NALCN: variants seen among roughly 807,000 people sequenced by gnomAD.
The protein encoded by NALCN is sodium leak channel, non-selective, also known as sodium leak channel NALCN.
In NALCN, 111 loss-of-function variants were observed where a neutral mutation model predicts 225.3. That is an observed-to-expected ratio of 0.49 (90% CI 0.42 to 0.58). The LOEUF (loss-of-function observed/expected upper bound fraction) is 0.58, where lower values mean the gene tolerates loss of function less well. NALCN is among the 20% of genes least tolerant of loss of function. NALCN has a pLI of 0.00. For missense variants in NALCN, 1,378 were observed against 2,202.4 expected (o/e 0.63, Z 7.49); for synonymous variants, 764 against 769.0 (o/e 0.99, Z 0.11).
rs1218070594 is a variant in NALCN, at chr13:101,082,896, C to G, written c.3691-13G>C. 1.2e-6 allele frequency: 2 copies of G among 1,614,090 alleles called. No individual in the cohort carries two copies. Among genetic ancestry groups the G allele is most frequent in the Non-Finnish European group, 1.7e-6 (2 of 1,179,910 alleles). ...CCTCGACGTCCCACTGCAACAGAAA[C>G]AGCACACGAGTCGTTGCCCACGTCC... On this transcript the variant is annotated splice_polypyrimidine_tract_variant and intron_variant, in intron 32 of 43. Transcript: ENST00000251127.
chr13:101,357,611 A>C (rs2046102394), intron 6 of NALCN, among the ~76,000 whole-genome samples: 2 of 152,222 alleles, frequency 1.3e-5, no homozygotes, highest in African/African-American at 4.8e-5. Context: ...CATACTGCCC[A>C]AAATAAATTA....
chr13:101,229,720 T>A (rs1473279464), intron 12 of NALCN, 136 bp from the exon 13 acceptor site: 1 of 673,874 alleles, frequency 1.5e-6, no homozygotes, highest in Non-Finnish European at 2.2e-6. Context: ...ATCTAGTGAC[T>A]AAAATTAACA....
Position 101,266,996 on chromosome 13 carries a change from G to A in NALCN, c.1135-8422C>T, listed in dbSNP as rs915830202. On this transcript the variant is annotated intron_variant, in intron 10 of 43. Transcript: ENST00000251127. ...TTTCCCATCTGTCTGTTCCTGATGC[G>A]TCCTTAGAGAGTCAGGACAGAAGGG... 2.6e-5 allele frequency among the ~76,000 whole-genome samples: 4 copies of A among 152,232 alleles called. No homozygotes were observed. The East Asian group carries it at 5.8e-4, about 22-fold the overall frequency.
At chr13:101,266,301 T>C (rs948091717) in intron 10 of NALCN, among the ~76,000 whole-genome samples, 1 of 123,560 alleles carries the variant, frequency 8.1e-6, no homozygotes, top group Non-Finnish European at 1.9e-5. Context: ...TGGAAGAGAT[T>C]AGTAATCTTG....
At chr13:101,379,248 A>G in intron 3 of NALCN, among the ~76,000 whole-genome samples, 1 of 152,218 alleles carries the variant, frequency 6.6e-6, no homozygotes, top group Non-Finnish European at 1.5e-5. Flanking sequence ...AGAACTAGGA[A>G]CACTTTTACA....
intron 7 of NALCN, among the ~76,000 whole-genome samples, chr13:101,322,016 C>T (rs2044762565): frequency 6.6e-6 from 1 of 152,072 alleles, no homozygotes; most frequent in Admixed American, 6.5e-5. Flanking sequence ...TTTTACTTTA[C>T]AAGTCAAACA....
At chr13:101,135,049 G>T (rs2036707649) in intron 17 of NALCN, among the ~76,000 whole-genome samples, 1 of 152,140 alleles carries the variant, frequency 6.6e-6, no homozygotes, top group African/African-American at 2.4e-5. Flanking sequence ...AAAAAAATTA[G>T]CCGGGCGTGG....
At chr13:101,102,338 A>G (rs772705871) in intron 26 of NALCN, among the ~76,000 whole-genome samples, 87 of 152,128 alleles carry the variant, frequency 5.7e-4, no homozygotes, top group Non-Finnish European at 1.1e-3. Flanking sequence ...TAACATCACA[A>G]TCTATCTTTA....
At chr13:101,312,862 C>A (rs1471484786) in intron 7 of NALCN, among the ~76,000 whole-genome samples, 2 of 152,088 alleles carry the variant, frequency 1.3e-5, no homozygotes, top group Admixed American at 6.5e-5. Context: ...AAAAAAGAGC[C>A]CGCATCACCA....
Position 101,150,545 on chromosome 13 carries a change from G to GGT in NALCN, c.1840-5651_1840-5650dup, listed in dbSNP as rs199622724. On this transcript the variant is annotated intron_variant, in intron 15 of 43. Transcript: ENST00000251127. ...GAAAGAGTAAGATGGGAGTAGACAGGGTGTGTGTTGGTGGTGGGGGATGAG... is the reference window on the plus strand; with the variant it reads ...GAAAGAGTAAGATGGGAGTAGACAGGGTGTGTGTGTTGGTGGTGGGGGATGAG... 9.4e-3 allele frequency among the ~76,000 whole-genome samples: 1,427 copies of GGT among 152,198 alleles called. 16 individuals are homozygous for GGT. The highest frequency in any genetic ancestry group is 0.028 in the African/African-American group (1,154 of 41,508).
rs1364718232 is a variant in NALCN at position 101,089,770 on chromosome 13, A to G, written c.3391-9T>C. The G allele has an allele frequency of 1.9e-6, 3 of 1,613,926 alleles. No individual in the cohort carries two copies. Among genetic ancestry groups the G allele is most frequent in the Non-Finnish European group, 2.5e-6 (3 of 1,179,924 alleles). The stretch of plus-strand genomic sequence containing the variant: ...ATATAGATTCCATGGATCTGCATAA[A>G]GGAAAATATGGTTATTCATCAAAAC... On this transcript the variant is annotated splice_polypyrimidine_tract_variant and intron_variant, in intron 29 of 43. Coordinates refer to ENST00000251127, the MANE Select transcript of NALCN (RefSeq NM_052867.4). The surrounding 1 kb of genome is among the most constrained non-coding windows in gnomAD (Gnocchi z 4.7).
chr13:101,257,364 C>T (rs753687346), intron 11 of NALCN, among the ~76,000 whole-genome samples: 9 of 151,948 alleles, frequency 5.9e-5, no homozygotes, highest in Non-Finnish European at 1.0e-4. Context: ...AATTCAGAAG[C>T]GACTACTTAA....
chr13:101,087,225 T>C (rs536650288), intron 30 of NALCN, among the ~76,000 whole-genome samples: 2 of 152,298 alleles, frequency 1.3e-5, no homozygotes, highest in South Asian at 4.2e-4. Flanking sequence ...TTCTGAATTG[T>C]ACCCTAAAGA....
intron 7 of NALCN, among the ~76,000 whole-genome samples, chr13:101,318,470 T>C (rs997688616): frequency 2.6e-5 from 4 of 152,182 alleles, no homozygotes; most frequent in African/African-American, 7.2e-5. Context: ...GAATTTTCCA[T>C]TGTCATCAGA....
intron 11 of NALCN, among the ~76,000 whole-genome samples, chr13:101,245,510 T>C (rs1330209918): frequency 6.6e-6 from 1 of 152,154 alleles, no homozygotes. Context: ...TTACATACTC[T>C]ACTTTGGTTA....
rs1332838516 is a variant in NALCN, at chr13:101,416,473, C to G, written c.-200G>C. Reference sequence around the variant, plus strand: ...AGCTCAGGCAGCGCGCTCGGCCCGGCTGGGGCCGCGGCTCACGCTCGCCGT... The same window carrying G: ...AGCTCAGGCAGCGCGCTCGGCCCGGGTGGGGCCGCGGCTCACGCTCGCCGT... On this transcript the variant is annotated 5_prime_UTR_variant, in exon 1 of 44. Transcript: ENST00000251127. 1 of 151,682 alleles carries G rather than the reference C, an allele frequency of 6.6e-6. No homozygotes were observed. Among genetic ancestry groups the G allele is most frequent in the Non-Finnish European group, 1.5e-5 (1 of 67,860 alleles). The allele number at this position is 151,682 out of a possible 1,614,324, so 9.4% of individuals were successfully genotyped here.
intron 17 of NALCN, among the ~76,000 whole-genome samples, chr13:101,132,629 T>C (rs1328399890): frequency 6.6e-6 from 1 of 152,078 alleles, no homozygotes; most frequent in Non-Finnish European, 1.5e-5. Flanking sequence ...TATTATCTCT[T>C]TTTTCCAGAT....
chr13:101,107,674 A>G (rs780771934), intron 21 of NALCN, 24 bp downstream of exon 21: 27 of 1,613,888 alleles, frequency 1.7e-5, no homozygotes, highest in Admixed American at 5.0e-5. Context: ...AATGAGAGCC[A>G]TGGGACACTG....
chr13:101,126,113 G>T (rs1478745902), intron 17 of NALCN, among the ~76,000 whole-genome samples: 2 of 152,164 alleles, frequency 1.3e-5, no homozygotes, highest in African/African-American at 4.8e-5. Context: ...TGTCCATAAA[G>T]CCATAGTGGA....
Sources: gnomAD v4.1 joint callset for allele counts (sites outside exome capture counted in the v4.1 genomes callset) on GRCh38, gnomAD v4.1.1 for gene constraint, Gnocchi (gnomAD v3.1) non-coding constraint, MANE v1.5 for transcripts, NCBI Gene and HGNC (gene_info 2026-07-23, HGNC 2026-07-21) for gene names.